Variants in ANO3 observed in about 807,000 individuals in gnomAD.
The protein encoded by ANO3 is anoctamin 3, also known as anoctamin-3.
Under a neutral mutation model 144.8 loss-of-function variants are expected in ANO3, and 99 were observed. The ratio of observed to expected loss-of-function variants is 0.68; its 90% confidence interval spans 0.58 to 0.81. The LOEUF is 0.81. Ranked by LOEUF, ANO3 falls within the 30% of genes least tolerant of loss-of-function variation. The pLI, the probability that ANO3 is intolerant of heterozygous loss-of-function variation, is 0.00. For missense variants in ANO3, 905 were observed against 1,202.2 expected, an observed-to-expected ratio of 0.75 and a Z score of 3.66; for synonymous variants, 414 against 392.6, an observed-to-expected ratio of 1.05 and a Z score of -0.64.
intron 1 of ANO3, among the ~76,000 whole-genome samples, chr11:26,365,179 AC>A (rs1469359010): frequency 3.3e-5 from 5 of 152,136 alleles, no homozygotes; most frequent in African/African-American, 7.2e-5. Context: ...ATATCCTTTG[AC>A]TCCATGTGTC....
chr11:26,601,690 G>T (rs1851803843), intron 17 of ANO3, among the ~76,000 whole-genome samples: 1 of 152,082 alleles, frequency 6.6e-6, no homozygotes, highest in Non-Finnish European at 1.5e-5. Context: ...TACTTTTCTG[G>T]TATATAGTAA....
intron 24 of ANO3, among the ~76,000 whole-genome samples, chr11:26,651,620 T>A (rs1853535442): frequency 1.3e-5 from 2 of 152,128 alleles, no homozygotes; most frequent in Non-Finnish European, 2.9e-5. Flanking sequence ...TTAATATAAA[T>A]TATTTTTGTT....
chr11:26,363,544 G>A (rs148881466), intron 1 of ANO3, among the ~76,000 whole-genome samples: 1 of 152,036 alleles, frequency 6.6e-6, no homozygotes, highest in Non-Finnish European at 1.5e-5. Context: ...TGCTGGATTA[G>A]GGCCTCACCT....
rs181209671 is a variant in ANO3, at chr11:26,247,848, G to A, written c.154+58518G>A. On this transcript the variant is annotated intron_variant, in intron 1 of 27. Transcript: ENST00000672621. Reference sequence around the variant, plus strand: ...GGTTCAAGTGATTCTCCTTGCCTCAGCCTCCCGAGTAGCTGAGATTACAGG... The same window carrying A: ...GGTTCAAGTGATTCTCCTTGCCTCAACCTCCCGAGTAGCTGAGATTACAGG... Among the ~76,000 whole-genome samples the A allele has an allele frequency of 8.6e-3, 1,285 of 148,920 alleles. 10 individuals are homozygous for A. The highest frequency in any genetic ancestry group is 0.02 in the South Asian group (92 of 4,644).
chr11:26,251,198 C>CT (rs1170887197), intron 1 of ANO3, among the ~76,000 whole-genome samples: 6 of 151,992 alleles, frequency 3.9e-5, no homozygotes, highest in Admixed American at 2.0e-4. Context: ...ACACAAAACA[C>CT]TTTTTTTTCC....
chr11:26,421,584 T>G (rs1257063455), intron 1 of ANO3, among the ~76,000 whole-genome samples: 1 of 152,042 alleles, frequency 6.6e-6, no homozygotes, highest in Non-Finnish European at 1.5e-5. Flanking sequence ...AAAAATCTGT[T>G]AGGTAATAAT....
At chr11:26,257,568 T>A (rs77514973) in intron 1 of ANO3, among the ~76,000 whole-genome samples, 2,795 of 152,256 alleles carry the variant, frequency 0.018, 69 homozygotes, top group East Asian at 0.12. Context: ...GGAGTCAGCA[T>A]CAGCATCAAA....
intron 1 of ANO3, among the ~76,000 whole-genome samples, chr11:26,214,867 G>A (rs1852005617): frequency 1.3e-5 from 2 of 151,904 alleles, no homozygotes; most frequent in African/African-American, 4.8e-5. Context: ...GGCCTTAACA[G>A]GTTCACAAGC....
chr11:26,282,070 T>A (rs1322083902), intron 1 of ANO3, among the ~76,000 whole-genome samples: 1 of 152,168 alleles, frequency 6.6e-6, no homozygotes, highest in Non-Finnish European at 1.5e-5. Flanking sequence ...TGGGGTTACA[T>A]TATTTGGGTT....
intron 24 of ANO3, among the ~76,000 whole-genome samples, chr11:26,650,689 A>G (rs114283947): frequency 2.1e-3 from 324 of 152,336 alleles, no homozygotes; most frequent in African/African-American, 7.4e-3. Flanking sequence ...TATTGATTTA[A>G]TAAAATCTCC....
intron 22 of ANO3, 113 bp from the exon 23 acceptor site, chr11:26,643,069 A>G: frequency 2.2e-6 from 2 of 905,006 alleles, no homozygotes; most frequent in Non-Finnish European, 3.4e-6. Flanking sequence ...AAAATGAGAT[A>G]AAGCTATCTA....
intron 10 of ANO3, among the ~76,000 whole-genome samples, chr11:26,540,292 A>G (rs1849611729): frequency 1.3e-5 from 2 of 152,182 alleles, no homozygotes; most frequent in South Asian, 4.1e-4. Flanking sequence ...GCAAATCCAT[A>G]AACATAATCC....
At chr11:26,595,460 G>GTTTTTGTT (rs1851585234) in intron 14 of ANO3, among the ~76,000 whole-genome samples, 1 of 101,384 alleles carries the variant, frequency 9.9e-6, no homozygotes, top group African/African-American at 4.2e-5. Flanking sequence ...AGATAGAGTT[G>GTTTTTGTT]TTTTTTTTTT....
At chr11:26,461,584 A>C (rs142575612) in intron 3 of ANO3, among the ~76,000 whole-genome samples, 1 of 152,232 alleles carries the variant, frequency 6.6e-6, no homozygotes, top group Non-Finnish European at 1.5e-5. Context: ...TGCCACTCTA[A>C]TGTCAACTTG....
Position 26,461,874 on chromosome 11 carries a change from C to T in ANO3, c.314-1156C>T, listed in dbSNP as rs568197784. Among the ~76,000 whole-genome samples the T allele has an allele frequency of 2.9e-3, 445 of 152,064 alleles. 1 individual carries two copies. The highest frequency in any genetic ancestry group is 0.01 in the African/African-American group (429 of 41,548). ...AAAATAATACAGGTAAAGTTTCTAGCTTATTGCATGCACTTAGCAAATGTT... is the reference window on the plus strand; with the variant it reads ...AAAATAATACAGGTAAAGTTTCTAGTTTATTGCATGCACTTAGCAAATGTT... On this transcript the variant is annotated intron_variant, in intron 3 of 26. Transcript: ENST00000256737.
intron 3 of ANO3, among the ~76,000 whole-genome samples, chr11:26,444,592 A>G (rs1251727074): frequency 1.3e-5 from 2 of 152,220 alleles, no homozygotes; most frequent in East Asian, 1.9e-4. Context: ...CTCCTGGATC[A>G]CAGTTCCAGA....
intron 1 of ANO3, among the ~76,000 whole-genome samples, chr11:26,426,554 A>T (rs540059274): frequency 1.2e-4 from 18 of 152,214 alleles, no homozygotes; most frequent in Admixed American, 5.9e-4. Flanking sequence ...TTCTTGAAAA[A>T]TACCTAAATA....
At chr11:26,488,856 AG>A (rs1232930993) in intron 4 of ANO3, among the ~76,000 whole-genome samples, 1 of 152,146 alleles carries the variant, frequency 6.6e-6, no homozygotes, top group East Asian at 1.9e-4. Context: ...TCGGGTGGCC[AG>A]GTTTTATTCC....
At chr11:26,540,008 A>T (rs1273997863) in intron 10 of ANO3, among the ~76,000 whole-genome samples, 4 of 152,164 alleles carry the variant, frequency 2.6e-5, no homozygotes, top group African/African-American at 7.2e-5. Flanking sequence ...TTCAGAAAAT[A>T]TATAGTCACC....
Sources: allele counts gnomAD v4.1 joint callset (sites outside exome capture counted in the v4.1 genomes callset), GRCh38; gene constraint gnomAD v4.1.1; transcripts MANE v1.5; gene names NCBI Gene and HGNC (gene_info 2026-07-23, HGNC 2026-07-21).